The following LTBP4 variants were observed in gnomAD, a reference collection of about 807,000 sequenced individuals.
LTBP4 encodes the protein latent-transforming growth factor beta-binding protein 4.
In LTBP4, 93 loss-of-function variants were observed where a neutral mutation model predicts 180.2. The observed-to-expected ratio is 0.52, with a 90% confidence interval of 0.44 to 0.61. The LOEUF is 0.61. Ranked by LOEUF, LTBP4 falls within the 20% of genes least tolerant of loss-of-function variation. LTBP4 has a pLI of 0.00. For synonymous variants in LTBP4, 947 were observed against 934.5 expected, an observed-to-expected ratio of 1.01 and a Z score of -0.24; for missense variants, 2,116 against 2,256.5, an observed-to-expected ratio of 0.94 and a Z score of 1.26.
In LTBP4 at chr19:40,627,820, C is replaced by G; in HGVS notation, c.4482C>G (p.Asp1494Glu). The change falls in exon 29 of 30, where the codon GAC (aspartate) becomes GAG (glutamate). Residue 1494 changes from aspartate to glutamate, a missense_variant. Around this residue, in one of 5 missense-constraint regions of LTBP4, gnomAD observed 488 missense variants for 458.8 expected, o/e 1.06. Coordinates refer to ENST00000396819, the MANE Select transcript of LTBP4 (RefSeq NM_001042545.2). ...AAGGCTTCACCTGCCGTTGCTTCGA[C>G]GGCTACCGCCTGGACATGACCCGCA... is the stretch of plus-strand genomic sequence containing the variant. Reference protein sequence around the residue: ...VPEGFTCRCFDGYRLDMTRMA... With the variant: ...VPEGFTCRCFEGYRLDMTRMA... 6.4e-7 allele frequency: 1 copy of G among 1,570,366 alleles called. No individual in the cohort carries two copies. Among genetic ancestry groups the G allele is most frequent in the South Asian group, 1.2e-5 (1 of 85,942 alleles).
At position 40,611,651 on chromosome 19, in the gene LTBP4, A is replaced by G. The variant is rs980484918; in HGVS notation, c.2054-208A>G. ...GGTCACCTGAGGCAGGGCAGGCAAC[A>G]TGGAGTTGGTGCCTTAGCCCCCACC... is the stretch of plus-strand genomic sequence containing the variant. On this transcript the variant is annotated intron_variant, in intron 13 of 29. Coordinates refer to ENST00000396819, the MANE Select transcript of LTBP4 (RefSeq NM_001042545.2). The surrounding 1 kb of genome is among the most constrained non-coding windows in gnomAD (Gnocchi z 4.4). Among the ~76,000 whole-genome samples the G allele has an allele frequency of 6.6e-6, 1 of 152,168 alleles. No homozygotes were observed. The highest frequency in any genetic ancestry group is 1.5e-5 in the Non-Finnish European group (1 of 68,016).
chr19:40,624,136 C>G, intron 26 of LTBP4, 54 bp downstream of exon 26: 2 of 1,468,534 alleles, frequency 1.4e-6, no homozygotes, highest in Non-Finnish European at 1.8e-6. Context: ...GCCTCACACC[C>G]GCACCCGGGC....
At chr19:40,625,275 TATATATATATATATATATATATATATA>T (rs1568414326) in intron 26 of LTBP4, among the ~76,000 whole-genome samples, 389 of 12,318 alleles carry the variant, frequency 0.032, 70 homozygotes, top group East Asian at 0.047. Context: ...TATATATATA[TATATATATATATATATATATATATATA>T]TATATATATA....
Position 40,627,293 on chromosome 19 carries a change from C to T in LTBP4, c.4304C>T (p.Ser1435Phe). 6.7e-7 allele frequency: 1 copy of T among 1,498,640 alleles called. No homozygotes were observed. The highest frequency in any genetic ancestry group is 8.9e-7 in the Non-Finnish European group (1 of 1,124,768). 92.8% of individuals were successfully genotyped at this position (1,498,640 alleles called of 1,614,324 possible). ...PGPGTRWPYR[S>F]RDTRRSFPEP... ...CCGGGCACCCGCTGGCCCTATCGGTCCCGGGACACCCGCCGCTCCTTCCCA... is the reference window on the plus strand; with the variant it reads ...CCGGGCACCCGCTGGCCCTATCGGTTCCGGGACACCCGCCGCTCCTTCCCA... Residue 1435 changes from serine (S) to phenylalanine (F), a missense_variant, in exon 28 of 30, where the codon TCC becomes TTC. Ser to Phe is a radical substitution (Grantham distance 155). Around this residue, in one of 5 missense-constraint regions of LTBP4, gnomAD observed 488 missense variants for 458.8 expected, o/e 1.06. Coordinates refer to ENST00000396819, the MANE Select transcript of LTBP4 (RefSeq NM_001042545.2).
In LTBP4 at chr19:40,609,275, T is replaced by A. The variant is rs1284752371; in HGVS notation, c.1427-255T>A. On this transcript the variant is annotated intron_variant, in intron 9 of 29. Transcript: ENST00000396819. The surrounding 1 kb of genome is among the most constrained non-coding windows in gnomAD (Gnocchi z 4.9). Reference sequence around the variant, plus strand: ...TCTCAGGTAGGGCACTAAGAATGTATCTCAGGCGGAGGGTTGGAGAGCAAA... The same window carrying A: ...TCTCAGGTAGGGCACTAAGAATGTAACTCAGGCGGAGGGTTGGAGAGCAAA... Among the ~76,000 whole-genome samples the A allele has an allele frequency of 2.6e-5, 4 of 152,138 alleles. No individual in the cohort carries two copies. The highest frequency in any genetic ancestry group is 2.0e-4 in the Admixed American group (3 of 15,270).
chr19:40,600,297 C>A, upstream of LTBP4: 1 of 434,354 alleles, frequency 2.3e-6, no homozygotes, highest in Non-Finnish European at 4.0e-6. This position sits in a 1 kb window ranked among gnomAD's most constrained non-coding sequence, Gnocchi z 4.4. Flanking sequence ...AGCACCCACC[C>A]CCAGGACGAG....
In LTBP4 at chr19:40,627,375, G is replaced by C; in HGVS notation, c.4366+20G>C. 1 of 1,479,134 alleles carries C rather than the reference G, an allele frequency of 6.8e-7. No homozygotes were observed. Among genetic ancestry groups the C allele is most frequent in the Non-Finnish European group, 8.9e-7 (1 of 1,118,424 alleles). 91.6% of individuals were successfully genotyped at this position (1,479,134 alleles called of 1,614,324 possible). ...ATGCTGGTGAGCACTGCCAGCGCAT[G>C]ATGAGACTGAGATGAGGGGTGAGGT... On this transcript the variant is annotated intron_variant, in intron 28 of 29. Coordinates refer to ENST00000396819, the MANE Select transcript of LTBP4 (RefSeq NM_001042545.2).
At chr19:40,610,772 C>T (rs2081500264) in intron 12 of LTBP4, 115 bp downstream of exon 12, 2 of 1,424,200 alleles carry the variant, frequency 1.4e-6, no homozygotes, top group Admixed American at 5.2e-5. Flanking sequence ...GAGACAGAGG[C>T]CAGGCTCTCG....
rs1427246446 is a variant in LTBP4, at chr19:40,611,431, T to C, written c.2053+37T>C. 1.3e-6 allele frequency: 2 copies of C among 1,578,190 alleles called. No individual in the cohort carries two copies. Among genetic ancestry groups the C allele is most frequent in the African/African-American group, 2.7e-5 (2 of 74,240 alleles). Reference sequence around the variant, plus strand: ...GAGCCCAGCCCTACTCCATCACTGTTTGCTGTGGAGACTGGAGAGAGATTA... The same window carrying C: ...GAGCCCAGCCCTACTCCATCACTGTCTGCTGTGGAGACTGGAGAGAGATTA... On this transcript the variant is annotated intron_variant, in intron 13 of 29. Coordinates refer to ENST00000396819, the MANE Select transcript of LTBP4 (RefSeq NM_001042545.2). The surrounding 1 kb of genome is among the most constrained non-coding windows in gnomAD (Gnocchi z 4.4).
rs754048132 is a variant in LTBP4 at position 40,609,507 on chromosome 19, C to A, written c.1427-23C>A. On this transcript the variant is annotated intron_variant, in intron 9 of 29. Transcript: ENST00000396819. This position sits in a 1 kb window ranked among gnomAD's most constrained non-coding sequence, Gnocchi z 4.9. ...AACGGAGGATTCAGAGATGGGGGAA[C>A]CCTGGCTGACTGGACCCCCCAGGTC... The A allele has an allele frequency of 2.1e-5, 34 of 1,607,736 alleles. No individual in the cohort carries two copies. Among genetic ancestry groups the A allele is most frequent in the Non-Finnish European group, 2.9e-5 (34 of 1,175,736 alleles).
Position 40,605,856 on chromosome 19 carries a change from T to C in LTBP4, c.793+25T>C, listed in dbSNP as rs1428434876. On this transcript the variant is annotated intron_variant, in intron 4 of 29. Coordinates refer to ENST00000396819, the MANE Select transcript of LTBP4 (RefSeq NM_001042545.2). This position sits in a 1 kb window ranked among gnomAD's most constrained non-coding sequence, Gnocchi z 5.5. ...GGTAAGCCCCAGGACGTCCCCGAAG[T>C]GCTCGGAGCTGGGGAGTGGTGACAA... 6.5e-7 allele frequency: 1 copy of C among 1,532,986 alleles called. No homozygotes were observed. Among genetic ancestry groups the C allele is most frequent in the Non-Finnish European group, 8.7e-7 (1 of 1,144,844 alleles). 95.0% of individuals were successfully genotyped at this position (1,532,986 alleles called of 1,614,324 possible). A position where few individuals can be genotyped will look rare whatever the true frequency, so the allele number is the denominator to read the frequency against.
chr19:40,623,131 TC>T (rs2081598565), intron 24 of LTBP4, 110 bp downstream of exon 24: 4 of 708,328 alleles, frequency 5.6e-6, no homozygotes, highest in Non-Finnish European at 8.9e-6. Flanking sequence ...TGTATCTGTC[TC>T]CCCGACCCCA....
At chr19:40,618,962 C>T (rs2081567745) in intron 21 of LTBP4, among the ~76,000 whole-genome samples, 1 of 152,116 alleles carries the variant, frequency 6.6e-6, no homozygotes, top group Admixed American at 6.6e-5. Context: ...TCTGGGCTAA[C>T]ATCTCCAGTG....
chr19:40,616,775 G>A (rs933467281), intron 19 of LTBP4, 114 bp from the exon 20 acceptor site: 61 of 1,242,094 alleles, frequency 4.9e-5, no homozygotes, highest in Admixed American at 6.9e-5. Flanking sequence ...CAGAAGCTCA[G>A]GCTCCTAGAA....
intron 19 of LTBP4, among the ~76,000 whole-genome samples, chr19:40,614,763 G>C (rs1443801615): frequency 6.6e-6 from 1 of 151,878 alleles, no homozygotes; most frequent in Non-Finnish European, 1.5e-5. Flanking sequence ...TCGGCCTCTG[G>C]ATTAAAACCC....
chr19:40,624,744 A>G (rs1473061936), intron 26 of LTBP4, among the ~76,000 whole-genome samples: 1 of 151,770 alleles, frequency 6.6e-6, no homozygotes, highest in East Asian at 1.9e-4. Context: ...TTTAATTTTT[A>G]GTTTTATTAT....
rs1419677321 is a variant in LTBP4 at position 40,622,414 on chromosome 19, C to A, written c.3231C>A (p.Gly1077=). The change falls in exon 23 of 30, where the codon GGC becomes GGA. Residue 1077 remains glycine, a synonymous_variant. Transcript: ENST00000396819. This position sits in a 1 kb window ranked among gnomAD's most constrained non-coding sequence, Gnocchi z 5.1. The part of the protein sequence containing the change: ...PPRTSAGTFP[G]SQPQAPASPV... ...TTGTCTCCCCAGGCACGTTCCCAGG[C>A]TCGCAGCCCCAGGCACCTGCTAGCC... is the stretch of plus-strand genomic sequence containing the variant. The A allele has an allele frequency of 1.3e-6, 2 of 1,547,498 alleles. No homozygotes were observed. The highest frequency in any genetic ancestry group is 8.8e-7 in the Non-Finnish European group (1 of 1,141,696).
intron 1 of LTBP4, among the ~76,000 whole-genome samples, chr19:40,604,452 G>A (rs1599860353): frequency 6.6e-6 from 1 of 152,180 alleles, no homozygotes; most frequent in African/African-American, 2.4e-5. Context: ...AAAGGGTTCC[G>A]TCGGACTACG....
rs372315496 is a variant in LTBP4 at position 40,622,578 on chromosome 19, G to A, written c.3395G>A (p.Arg1132Gln). 54 of 1,613,822 alleles carry A rather than the reference G, an allele frequency of 3.3e-5. No homozygotes were observed. Among genetic ancestry groups the A allele is most frequent in the East Asian group, 2.0e-4 (9 of 44,884 alleles). ...GATGCATGTGACAACATCCTGGCTC[G>A]GAATGTGACATGGCAGGAGTGCTGC... is the stretch of plus-strand genomic sequence containing the variant. ...APDACDNILA[R>Q]NVTWQECCCT... The change falls in exon 23 of 30, where the codon CGG (arginine) becomes CAG (glutamine). Residue 1132 changes from arginine to glutamine, a missense_variant. Around this residue, in one of 5 missense-constraint regions of LTBP4, gnomAD observed 278 missense variants for 373.0 expected, o/e 0.75. Coordinates refer to ENST00000396819, the MANE Select transcript of LTBP4 (RefSeq NM_001042545.2). This position sits in a 1 kb window ranked among gnomAD's most constrained non-coding sequence, Gnocchi z 5.1.
Sources: allele counts gnomAD v4.1 joint callset (sites outside exome capture counted in the v4.1 genomes callset), GRCh38; gene constraint gnomAD v4.1.1; regional missense constraint gnomAD v4.1.1; non-coding constraint Gnocchi (gnomAD v3.1); transcripts MANE v1.5; gene names NCBI Gene and HGNC (gene_info 2026-07-23, HGNC 2026-07-21).